The following PANK1 variants were observed in gnomAD, a reference collection of about 807,000 sequenced individuals.
PANK1 encodes pantothenate kinase 1, also known as pantothenic acid kinase 1.
A neutral mutation model predicts 40.1 loss-of-function variants in PANK1; 18 were observed. That is an observed-to-expected ratio of 0.45 (90% CI 0.31 to 0.67). PANK1 has a LOEUF of 0.67. PANK1 is among the 30% of genes least tolerant of loss of function. The probability of loss-of-function intolerance (pLI) is 0.06; values close to 1 mark genes in which losing one functional copy is unlikely to be tolerated. For missense variants in PANK1, 457 were observed against 599.6 expected, an observed-to-expected ratio of 0.76 and a Z score of 2.48; for synonymous variants, 242 against 237.7, an observed-to-expected ratio of 1.02 and a Z score of -0.17.
At chr10:89,636,736 C>T (rs1021783409) in intron 1 of PANK1, among the ~76,000 whole-genome samples, 29 of 151,482 alleles carry the variant, frequency 1.9e-4, no homozygotes. Context: ...CAGGCATGAG[C>T]CACCGCACCC....
intron 1 of PANK1, among the ~76,000 whole-genome samples, chr10:89,628,970 A>G (rs1158772411): frequency 3.9e-5 from 6 of 152,196 alleles, no homozygotes; most frequent in African/African-American, 1.4e-4. Flanking sequence ...TTTTGGGCTA[A>G]AGCTGTTAAT....
chr10:89,595,837 T>A (rs1469415529), intron 3 of PANK1, among the ~76,000 whole-genome samples: 801 of 49,994 alleles, frequency 0.016, 8 homozygotes, highest in African/African-American at 0.029. Flanking sequence ...AAAAAAAATA[T>A]ATATATATAT....
Position 89,599,322 on chromosome 10 carries a change from T to G in PANK1, c.829A>C (p.Asn277His). 6.2e-7 allele frequency: 1 copy of G among 1,613,792 alleles called. No individual in the cohort carries two copies. The highest frequency in any genetic ancestry group is 2.2e-5 in the East Asian group (1 of 44,888). ...AGAATGCTGACACCTGAGCCCATGT[T>G]AACCAGCAACATAGGGTATGGGTTA... ...LDNPYPMLLV[N>H]MGSGVSILAV... Residue 277 changes from asparagine to histidine, a missense_variant, in exon 3 of 7, where the codon AAC (asparagine) becomes CAC (histidine). Transcript: ENST00000307534.
intron 4 of PANK1, among the ~76,000 whole-genome samples, 197 bp downstream of exon 4, chr10:89,593,616 C>G (rs749112774): frequency 3.9e-5 from 6 of 152,088 alleles, no homozygotes; most frequent in Non-Finnish European, 8.8e-5. Flanking sequence ...TTCAAAGTTG[C>G]CTTATTTTAA....
chr10:89,637,702 T>C (rs1459514420), intron 1 of PANK1, among the ~76,000 whole-genome samples: 1 of 152,208 alleles, frequency 6.6e-6, no homozygotes, highest in African/African-American at 2.4e-5. Context: ...TTTACAAACA[T>C]TGTTCACTTA....
At chr10:89,593,399 G>A in intron 4 of PANK1, 79 bp from the exon 5 acceptor site, 1 of 1,487,840 alleles carries the variant, frequency 6.7e-7, no homozygotes, top group Non-Finnish European at 9.2e-7. Flanking sequence ...ATTGTGGAAG[G>A]CTCTACGAGT....
intron 1 of PANK1, among the ~76,000 whole-genome samples, chr10:89,623,637 T>G (rs1215014285): frequency 6.6e-6 from 1 of 152,136 alleles, no homozygotes; most frequent in East Asian, 1.9e-4. Context: ...ATTTTAACTT[T>G]GCTTCAGTGA....
intron 1 of PANK1, among the ~76,000 whole-genome samples, chr10:89,638,243 A>G (rs1285302372): frequency 1.3e-5 from 2 of 152,284 alleles, no homozygotes; most frequent in Non-Finnish European, 2.9e-5. Context: ...CTACCTTTGT[A>G]TATGTGCTCC....
chr10:89,621,157 C>T (rs573091644), intron 1 of PANK1, among the ~76,000 whole-genome samples: 4 of 152,158 alleles, frequency 2.6e-5, no homozygotes, highest in East Asian at 3.9e-4. Flanking sequence ...CAAAATTAGC[C>T]TGGTGTTGTG....
At chr10:89,643,420 A>G (rs149283793) in intron 1 of PANK1, among the ~76,000 whole-genome samples, 45 of 152,354 alleles carry the variant, frequency 3.0e-4, no homozygotes, top group African/African-American at 9.9e-4. Flanking sequence ...AGTTCCACAC[A>G]AAATCTTAAC....
Position 89,611,725 on chromosome 10 carries a change from C to A in PANK1, c.616G>T (p.Ala206Ser). The change falls in exon 2 of 7, where the codon GCT (alanine) becomes TCT (serine). Residue 206 changes from alanine (A) to serine (S), a missense_variant. Around this residue, in one of 4 missense-constraint regions of PANK1, gnomAD observed 286 missense variants for 415.8 expected, o/e 0.69. Coordinates refer to ENST00000307534, the MANE Select transcript of PANK1 (RefSeq NM_148977.3). ...HTTLCATGGG[A>S]FKFEEDFRMI... ...CTGAAGTCCTCTTCGAATTTGAAAG[C>A]CCCGCCTCCTGTGGCACAGAGGGTG... is the stretch of plus-strand genomic sequence containing the variant. 1 of 1,611,626 alleles carries A rather than the reference C, an allele frequency of 6.2e-7. No homozygotes were observed. The highest frequency in any genetic ancestry group is 8.5e-7 in the Non-Finnish European group (1 of 1,178,570).
chr10:89,644,551 G>T (rs746984393), intron 1 of PANK1, 49 bp downstream of exon 1: 8 of 1,522,208 alleles, frequency 5.3e-6, no homozygotes, highest in Admixed American at 3.6e-5. Context: ...CCCGGGCCCC[G>T]CACGCTGCGT....
chr10:89,605,250 T>G (rs1350636039), intron 2 of PANK1, among the ~76,000 whole-genome samples: 1 of 151,898 alleles, frequency 6.6e-6, no homozygotes, highest in Non-Finnish European at 1.5e-5. Flanking sequence ...GTTCTTAAAA[T>G]AAACAAAAAT....
intron 1 of PANK1, among the ~76,000 whole-genome samples, chr10:89,642,843 C>T (rs533550289): frequency 3.7e-4 from 57 of 152,178 alleles, no homozygotes; most frequent in Non-Finnish European, 7.5e-4. Context: ...CCAATTTTGA[C>T]GAACCGTTTT....
intron 1 of PANK1, among the ~76,000 whole-genome samples, chr10:89,619,077 T>C (rs1845405643): frequency 6.6e-6 from 1 of 152,180 alleles, no homozygotes; most frequent in Non-Finnish European, 1.5e-5. Flanking sequence ...GACAAACATG[T>C]GGTAGCTGAG....
chr10:89,617,281 A>G (rs1009099382), intron 1 of PANK1, among the ~76,000 whole-genome samples: 2 of 152,260 alleles, frequency 1.3e-5, no homozygotes, highest in Non-Finnish European at 2.9e-5. Flanking sequence ...GCCAGGCAGC[A>G]GGGAGTGAAG....
intron 1 of PANK1, chr10:89,643,791 G>C (rs1232972228): frequency 2.1e-5 from 33 of 1,608,718 alleles, no homozygotes; most frequent in Non-Finnish European, 2.7e-5. Context: ...CTGTAAACTC[G>C]ACCTACAAAT....
chr10:89,591,879 A>G (rs982837462), intron 5 of PANK1, among the ~76,000 whole-genome samples: 2 of 152,032 alleles, frequency 1.3e-5, no homozygotes, highest in Non-Finnish European at 2.9e-5. Flanking sequence ...ACTCCAGCAA[A>G]AAGCACAAGA....
At chr10:89,595,727 C>T (rs1451929178) in intron 3 of PANK1, among the ~76,000 whole-genome samples, 9 of 145,042 alleles carry the variant, frequency 6.2e-5, no homozygotes, top group African/African-American at 1.5e-4. Context: ...TGCTGAGGTG[C>T]GGGGATTACT....
Sources: allele counts gnomAD v4.1 joint callset (sites outside exome capture counted in the v4.1 genomes callset), GRCh38; gene constraint gnomAD v4.1.1; regional missense constraint gnomAD v4.1.1; transcripts MANE v1.5; gene names NCBI Gene and HGNC (gene_info 2026-07-23, HGNC 2026-07-21).